The following BNIP5 variants were observed in gnomAD, a reference collection of about 807,000 sequenced individuals.
The protein encoded by BNIP5 is protein BNIP5.
In BNIP5, 61 loss-of-function variants were observed where a neutral mutation model predicts 67.3. That is an observed-to-expected ratio of 0.91 (90% CI 0.74 to 1.12). The LOEUF is 1.12. Ranked by LOEUF, BNIP5 falls within the 50% of genes most tolerant of loss-of-function variation. The pLI is 0.00. For synonymous variants in BNIP5, 317 were observed against 319.0 expected, an observed-to-expected ratio of 0.99 and a Z score of 0.07; for missense variants, 826 against 816.3, an observed-to-expected ratio of 1.01 and a Z score of -0.14.
intron 3 of BNIP5, among the ~76,000 whole-genome samples, chr6:36,328,185 CA>C (rs890954102): frequency 2.6e-5 from 4 of 152,092 alleles, no homozygotes; most frequent in Non-Finnish European, 5.9e-5. Flanking sequence ...AATGATTCAG[CA>C]ACAAAATGAT....
chr6:36,330,749 T>A, intron 1 of BNIP5, 55 bp from the exon 2 acceptor site: 1 of 1,504,926 alleles, frequency 6.6e-7, no homozygotes, highest in Middle Eastern at 1.8e-4. Flanking sequence ...TTTTGATTTG[T>A]TTGTTTGTTT....
Position 36,330,078 on chromosome 6 carries a change from C to A in BNIP5, c.610+3G>T. 2 of 1,597,014 alleles carry A rather than the reference C, an allele frequency of 1.3e-6. No homozygotes were observed. The highest frequency in any genetic ancestry group is 1.1e-5 in the South Asian group (1 of 89,880). On this transcript the variant is annotated splice_donor_region_variant and intron_variant, in intron 2 of 11. Coordinates refer to ENST00000437635, the MANE Select transcript of BNIP5 (RefSeq NM_001010903.5). ...GCCATAGGAACAGGCACGGTCCGCT[C>A]ACCCCTGCGAGCTGGGCCCAGGTCA...
At chr6:36,323,670 A>T in intron 7 of BNIP5, 137 bp from the exon 8 acceptor site, 4 of 972,178 alleles carry the variant, frequency 4.1e-6, no homozygotes, top group Non-Finnish European at 6.2e-6. Flanking sequence ...CTGGGGAAAT[A>T]TGTGTGGTCT....
intron 10 of BNIP5, among the ~76,000 whole-genome samples, chr6:36,320,720 T>A (rs1771614942): frequency 6.6e-6 from 1 of 152,112 alleles, no homozygotes; most frequent in Admixed American, 6.5e-5. Context: ...CTTGAAAGAA[T>A]GAGAGACCAC....
At chr6:36,326,996 G>C (rs377717125) in intron 4 of BNIP5, 34 bp downstream of exon 4, 8 of 1,589,708 alleles carry the variant, frequency 5.0e-6, no homozygotes, top group African/African-American at 1.3e-5. Flanking sequence ...AGAAGGCAGA[G>C]AGCCCCTGGA....
intron 5 of BNIP5, among the ~76,000 whole-genome samples, chr6:36,325,944 A>C (rs1771752331): frequency 6.6e-6 from 1 of 152,170 alleles, no homozygotes; most frequent in South Asian, 2.1e-4. Context: ...CCTTGAACAC[A>C]TTGTTTTACC....
In BNIP5 at chr6:36,317,090, G is replaced by A. The variant is rs774648421; in HGVS notation, c.*266C>T. On this transcript the variant is annotated 3_prime_UTR_variant, in exon 12 of 12. Coordinates refer to ENST00000437635, the MANE Select transcript of BNIP5 (RefSeq NM_001010903.5). Reference sequence around the variant, plus strand: ...TAGAGGGTCATGCAGCAAGTCTGGGGTAGGTTCAGCAGGTAGAGCCCCAGT... The same window carrying A: ...TAGAGGGTCATGCAGCAAGTCTGGGATAGGTTCAGCAGGTAGAGCCCCAGT... 3.6e-6 allele frequency: 2 copies of A among 558,918 alleles called. No individual in the cohort carries two copies. The highest frequency in any genetic ancestry group is 6.3e-6 in the Non-Finnish European group (2 of 316,584). 34.6% of individuals were successfully genotyped at this position (558,918 alleles called of 1,614,324 possible). A position where few individuals can be genotyped will look rare whatever the true frequency, so the allele number is the denominator to read the frequency against.
At chr6:36,330,042 C>T in intron 2 of BNIP5, 39 bp downstream of exon 2, 1 of 1,551,588 alleles carries the variant, frequency 6.4e-7, no homozygotes, top group Non-Finnish European at 8.6e-7. Flanking sequence ...GTTTAGAGCA[C>T]CCTAGGGGTT....
Position 36,317,204 on chromosome 6 carries a change from TA to T in BNIP5, c.*151del. The T allele has an allele frequency of 1.4e-6, 1 of 721,390 alleles. No individual in the cohort carries two copies. The highest frequency in any genetic ancestry group is 1.6e-5 in the South Asian group (1 of 63,496). The allele number at this position is 721,390 out of a possible 1,614,324, so 44.7% of individuals were successfully genotyped here. A position where few individuals can be genotyped will look rare whatever the true frequency, so the allele number is the denominator to read the frequency against. On this transcript the variant is annotated 3_prime_UTR_variant, in exon 12 of 12. Coordinates refer to ENST00000437635, the MANE Select transcript of BNIP5 (RefSeq NM_001010903.5). ...AGAATGCTCTGTGCTTCTCAGATAC[TA>T]GGGTATGGACACAGAATGATTGTCT...
chr6:36,323,366 G>C lies in BNIP5; in HGVS notation c.1398C>G (p.Ala466=), dbSNP rs749737151. ...AGAAGAASPE[A]RRPKRPSFLP... The stretch of plus-strand genomic sequence containing the variant: ...GAAAGCTGGGCCTCTTGGGTCGTCG[G>C]GCCTCTGGGCTGGCAGCCCCTGCTG... The change falls in exon 8 of 12, where the codon GCC becomes GCG. Residue 466 remains alanine (A), a synonymous_variant. Transcript: ENST00000437635. 2 of 1,614,286 alleles carry C rather than the reference G, an allele frequency of 1.2e-6. No individual in the cohort carries two copies. Among genetic ancestry groups the C allele is most frequent in the East Asian group, 2.2e-5 (1 of 44,890 alleles).
chr6:36,335,331 G>T (rs1391904785), intron 1 of BNIP5, among the ~76,000 whole-genome samples: 1 of 152,160 alleles, frequency 6.6e-6, no homozygotes, highest in African/African-American at 2.4e-5. Flanking sequence ...AAACTTCACA[G>T]AGAGCCAACC....
At position 36,316,928 on chromosome 6, in the gene BNIP5, G is replaced by A; in HGVS notation, c.*428C>T. 2 of 414,680 alleles carry A rather than the reference G, an allele frequency of 4.8e-6. No individual in the cohort carries two copies. Among genetic ancestry groups the A allele is most frequent in the Non-Finnish European group, 8.5e-6 (2 of 235,658 alleles). The allele number at this position is 414,680 out of a possible 1,614,324, so 25.7% of individuals were successfully genotyped here. On this transcript the variant is annotated 3_prime_UTR_variant, in exon 12 of 12. Coordinates refer to ENST00000437635, the MANE Select transcript of BNIP5 (RefSeq NM_001010903.5). ...TCGATGCATATCTGTTTGGATGCATGTGGATGTTCTGTTTAGAGATTAAAT... is the reference window on the plus strand; with the variant it reads ...TCGATGCATATCTGTTTGGATGCATATGGATGTTCTGTTTAGAGATTAAAT...
rs1771815817 is a variant in BNIP5 at position 36,328,655 on chromosome 6, C to G, written c.670G>C (p.Asp224His). 1.2e-6 allele frequency: 2 copies of G among 1,614,142 alleles called. No individual in the cohort carries two copies. The highest frequency in any genetic ancestry group is 4.5e-5 in the East Asian group (2 of 44,878). The change falls in exon 3 of 12, where the codon GAT (aspartate) becomes CAT (histidine). Residue 224 changes from aspartate (D) to histidine (H), a missense_variant. Physicochemically the swap from Asp to His is moderately conservative, Grantham distance 81. Transcript: ENST00000437635. ...LIKVDGTGALDVSPHATGHQQ... is the reference protein window; with the variant it reads ...LIKVDGTGALHVSPHATGHQQ... ...TGACCTGTGGCATGGGGAGAAACAT[C>G]CAAAGCTCCAGTACCATCCACTTTG...
chr6:36,331,524 C>A (rs367968070), intron 1 of BNIP5, among the ~76,000 whole-genome samples: 30 of 152,248 alleles, frequency 2.0e-4, no homozygotes, highest in Middle Eastern at 3.4e-3. Context: ...GCTCAGGCAC[C>A]TTTTCTGGCC....
intron 3 of BNIP5, among the ~76,000 whole-genome samples, chr6:36,327,755 C>T (rs1771796970): frequency 6.6e-6 from 1 of 152,120 alleles, no homozygotes; most frequent in African/African-American, 2.4e-5. Context: ...CCCACACTGT[C>T]CTCTGCTAGG....
rs1000512093 is a variant in BNIP5, at chr6:36,315,837, C to G, written c.*1519G>C. 1 of 152,586 alleles carries G rather than the reference C, an allele frequency of 6.6e-6. No individual in the cohort carries two copies. Among genetic ancestry groups the G allele is most frequent in the African/African-American group, 2.4e-5 (1 of 41,406 alleles). The allele number at this position is 152,586 out of a possible 1,614,324, so 9.5% of individuals were successfully genotyped here. On this transcript the variant is annotated 3_prime_UTR_variant, in exon 12 of 12. Transcript: ENST00000437635. ...CAGATGCCAGCATCAGGAGCACATA[C>G]CAAATACTCATAGGGCTTAAAGAAC... is the stretch of plus-strand genomic sequence containing the variant.
At chr6:36,322,256 T>A (rs1020027965) in intron 9 of BNIP5, 55 bp downstream of exon 9, 4 of 1,607,506 alleles carry the variant, frequency 2.5e-6, no homozygotes, top group Non-Finnish European at 3.4e-6. Flanking sequence ...GTGAACTCCA[T>A]GTGGAAGAGA....
rs901736995 is a variant in BNIP5, at chr6:36,330,679, T to G, written c.12A>C (p.Pro4=). The change falls in exon 2 of 12, where the codon CCA becomes CCC. Residue 4 remains proline (P), a synonymous_variant. Coordinates refer to ENST00000437635, the MANE Select transcript of BNIP5 (RefSeq NM_001010903.5). MEN[P]RCPRRPLAEK... ...CCGCCAGGGGCCTCCTTGGGCACCT[T>G]GGATTCTCCATCGGGCTGCAACCAA... 6.3e-7 allele frequency: 1 copy of G among 1,575,540 alleles called. No individual in the cohort carries two copies. The highest frequency in any genetic ancestry group is 2.2e-5 in the East Asian group (1 of 44,586).
chr6:36,331,306 G>C (rs970955687), intron 1 of BNIP5, among the ~76,000 whole-genome samples: 6 of 152,172 alleles, frequency 3.9e-5, no homozygotes, highest in Non-Finnish European at 5.9e-5. Context: ...CGCACCTCCA[G>C]AGCCCCTGAA....
Sources: gnomAD v4.1 joint callset for allele counts (sites outside exome capture counted in the v4.1 genomes callset) on GRCh38, gnomAD v4.1.1 for gene constraint, MANE v1.5 for transcripts, NCBI Gene and HGNC (gene_info 2026-07-23, HGNC 2026-07-21) for gene names.